The following DGKD variants were observed in gnomAD, a reference collection of about 807,000 sequenced individuals.
The protein encoded by DGKD is diacylglycerol kinase delta, also known as DAG kinase delta.
DGKD carries 68 observed loss-of-function variants against 154.4 expected under a neutral mutation model. That is an observed-to-expected ratio of 0.44 (90% CI 0.36 to 0.54). The LOEUF (loss-of-function observed/expected upper bound fraction) is 0.54, where lower values mean the gene tolerates loss of function less well. DGKD is among the 20% of genes least tolerant of loss of function. The pLI is 0.00. For synonymous variants in DGKD, 693 were observed against 638.0 expected, an observed-to-expected ratio of 1.09 and a Z score of -1.30; for missense variants, 1,343 against 1,593.6, an observed-to-expected ratio of 0.84 and a Z score of 2.68.
At chr2:233,382,103 G>A (rs1156437731) in intron 1 of DGKD, among the ~76,000 whole-genome samples, 1 of 152,142 alleles carries the variant, frequency 6.6e-6, no homozygotes, top group Non-Finnish European at 1.5e-5. Flanking sequence ...GGCATGTAGT[G>A]CGCGCCTGTA....
chr2:233,405,798 A>G (rs913788396), intron 3 of DGKD, among the ~76,000 whole-genome samples: 1 of 152,204 alleles, frequency 6.6e-6, no homozygotes, highest in Non-Finnish European at 1.5e-5. Flanking sequence ...ACAGACTAAG[A>G]CACATGTCTA....
chr2:233,359,494 A>AT (rs34252378), intron 1 of DGKD, among the ~76,000 whole-genome samples: 123,664 of 145,068 alleles, frequency 0.85, 53,027 homozygotes, highest in Middle Eastern at 0.91. Context: ...TGTCTTTCTG[A>AT]TTTTTTTTTT....
chr2:233,422,727 G>A (rs2062160727), intron 3 of DGKD, among the ~76,000 whole-genome samples: 1 of 152,166 alleles, frequency 6.6e-6, no homozygotes, highest in Admixed American at 6.5e-5. Context: ...CTTAAATATT[G>A]TTGATGGTGG....
intron 3 of DGKD, among the ~76,000 whole-genome samples, chr2:233,403,682 C>G (rs1183734786): frequency 6.6e-6 from 1 of 151,210 alleles, no homozygotes; most frequent in East Asian, 1.9e-4. Flanking sequence ...CTCTGTTGCC[C>G]AGGCCGGAGT....
chr2:233,384,898 C>G (rs1200557508), intron 1 of DGKD, among the ~76,000 whole-genome samples: 1 of 152,144 alleles, frequency 6.6e-6, no homozygotes, highest in Non-Finnish European at 1.5e-5. Flanking sequence ...GCTCAGGTAC[C>G]TGTTGTCTCA....
chr2:233,365,227 C>T lies in DGKD; in HGVS notation c.156+10553C>T, dbSNP rs530818252. Among the ~76,000 whole-genome samples the T allele has an allele frequency of 4.0e-5, 6 of 151,388 alleles. No homozygotes were observed. The East Asian group carries it at 1.2e-3, about 29-fold the overall frequency. On this transcript the variant is annotated intron_variant, in intron 1 of 29. Coordinates refer to ENST00000264057, the MANE Select transcript of DGKD (RefSeq NM_152879.3). The stretch of plus-strand genomic sequence containing the variant: ...AGTGTAGAATTGAACAACACAAGAA[C>T]GGAACTTTTTTTTTTTTTTGGGAGA...
In DGKD at chr2:233,456,930, G is replaced by A; in HGVS notation, c.2407G>A (p.Val803Ile). Residue 803 changes from valine (V) to isoleucine (I), a missense_variant, in exon 20 of 30, where the codon GTT becomes ATT. Physicochemically the swap from Val to Ile is conservative, Grantham distance 29. Coordinates refer to ENST00000264057, the MANE Select transcript of DGKD (RefSeq NM_152879.3). ...SRTKNMMWYG[V>I]LGTKELLHRT... is the part of the protein sequence containing the mutation. ...AACCAAGAACATGATGTGGTATGGAGTTCTTGGAACCAAAGAGTTGCTGCA... is the reference window on the plus strand; with the variant it reads ...AACCAAGAACATGATGTGGTATGGAATTCTTGGAACCAAAGAGTTGCTGCA... The A allele has an allele frequency of 6.2e-7, 1 of 1,614,216 alleles. No homozygotes were observed. Among genetic ancestry groups the A allele is most frequent in the Non-Finnish European group, 8.5e-7 (1 of 1,180,026 alleles).
chr2:233,447,735 CAAA>C, intron 12 of DGKD: 1 of 1,103,538 alleles, frequency 9.1e-7, no homozygotes, highest in Non-Finnish European at 1.1e-6. Flanking sequence ...GCCTCTGCTG[CAAA>C]CGGACCCAAA....
intron 24 of DGKD, among the ~76,000 whole-genome samples, chr2:233,460,857 A>C (rs1189130724): frequency 6.6e-6 from 1 of 151,926 alleles, no homozygotes; most frequent in African/African-American, 2.4e-5. Context: ...GCGCCACTGC[A>C]CTCCAACCTG....
intron 1 of DGKD, among the ~76,000 whole-genome samples, chr2:233,372,594 T>C (rs1702379658): frequency 1.4e-5 from 2 of 144,802 alleles, no homozygotes; most frequent in South Asian, 4.3e-4. Flanking sequence ...GACATAAGTC[T>C]TTTTTTTTTA....
At chr2:233,380,410 C>T (rs1016999483) in intron 1 of DGKD, among the ~76,000 whole-genome samples, 1 of 152,198 alleles carries the variant, frequency 6.6e-6, no homozygotes, top group Admixed American at 6.5e-5. Context: ...CATCAGGACC[C>T]ACACTGGCTA....
At chr2:233,388,580 CT>C in intron 2 of DGKD, 1 of 458,946 alleles carries the variant, frequency 2.2e-6, no homozygotes. Context: ...TTTTCCTTTT[CT>C]TTAATGTCAT....
intron 3 of DGKD, among the ~76,000 whole-genome samples, chr2:233,421,836 G>A (rs572545998): frequency 9.2e-5 from 14 of 152,192 alleles, no homozygotes; most frequent in African/African-American, 1.7e-4. Context: ...TGTAACTTCC[G>A]CAGGAGCAGG....
At chr2:233,453,848 C>T (rs779566779) in intron 18 of DGKD, among the ~76,000 whole-genome samples, 6 of 152,208 alleles carry the variant, frequency 3.9e-5, no homozygotes, top group South Asian at 2.1e-4. Context: ...AGTCTCTTCT[C>T]GTCTGTCGCA....
chr2:233,456,896 T>C lies in DGKD; in HGVS notation c.2376-3T>C. The C allele has an allele frequency of 1.2e-6, 2 of 1,613,440 alleles. No homozygotes were observed. The highest frequency in any genetic ancestry group is 1.7e-6 in the Non-Finnish European group (2 of 1,179,386). On this transcript the variant is annotated splice_region_variant and splice_polypyrimidine_tract_variant and intron_variant, in intron 19 of 29. Coordinates refer to ENST00000264057, the MANE Select transcript of DGKD (RefSeq NM_152879.3). ...TATGGCAAGTCTTTGCTTCTGTTTC[T>C]AGGAGCCGAACCAAGAACATGATGT...
In DGKD at chr2:233,457,484, C is replaced by T. The variant is rs1041804422; in HGVS notation, c.2580+156C>T. The T allele has an allele frequency of 5.7e-6, 4 of 702,500 alleles. No homozygotes were observed. The highest frequency in any genetic ancestry group is 2.0e-5 in the Admixed American group (1 of 49,766). 43.5% of individuals were successfully genotyped at this position (702,500 alleles called of 1,614,324 possible). A position where few individuals can be genotyped will look rare whatever the true frequency, so the allele number is the denominator to read the frequency against. On this transcript the variant is annotated intron_variant, in intron 21 of 29. Coordinates refer to ENST00000264057, the MANE Select transcript of DGKD (RefSeq NM_152879.3). This position sits in a 1 kb window ranked among gnomAD's most constrained non-coding sequence, Gnocchi z 5.5. Reference sequence around the variant, plus strand: ...AACAAGATAGACAGGGTCCCCCACCCAGCTCATCGTCTAGAGGGCTGAGCA... The same window carrying T: ...AACAAGATAGACAGGGTCCCCCACCTAGCTCATCGTCTAGAGGGCTGAGCA...
intron 26 of DGKD, chr2:233,463,843 C>T (rs1223360965): frequency 3.0e-6 from 1 of 338,596 alleles, no homozygotes; most frequent in Non-Finnish European, 5.6e-6. Context: ...CTTTGCTTCC[C>T]ACAGCATTTC....
At chr2:233,432,333 G>T (rs1417899743) in intron 3 of DGKD, among the ~76,000 whole-genome samples, 1 of 121,056 alleles carries the variant, frequency 8.3e-6, no homozygotes, top group Non-Finnish European at 1.8e-5. Flanking sequence ...TGACCCTCCT[G>T]GCTAACATGG....
At chr2:233,409,110 C>G (rs1313130817) in intron 3 of DGKD, 2 of 152,178 alleles carry the variant, frequency 1.3e-5, no homozygotes, top group Admixed American at 1.3e-4. Context: ...GGAGAAGACG[C>G]AGTTACTCGT....
Sources: gnomAD v4.1 joint callset for allele counts (sites outside exome capture counted in the v4.1 genomes callset) on GRCh38, gnomAD v4.1.1 for gene constraint, Gnocchi (gnomAD v3.1) non-coding constraint, MANE v1.5 for transcripts, NCBI Gene and HGNC (gene_info 2026-07-23, HGNC 2026-07-21) for gene names.